HDAC9: variants seen among roughly 807,000 people sequenced by gnomAD.
The protein encoded by HDAC9 is MEF-2 interacting transcription repressor (MITR) protein.
In HDAC9, 41 loss-of-function variants were observed where a neutral mutation model predicts 139.4. The observed-to-expected ratio is 0.29, with a 90% CI of 0.23 to 0.38. HDAC9 has a LOEUF of 0.38. Among genes scored for constraint, HDAC9 ranks in the 10% least tolerant of loss-of-function variants. The probability of loss-of-function intolerance (pLI) is 1.00; values close to 1 mark genes in which losing one functional copy is unlikely to be tolerated. For synonymous variants in HDAC9, 517 were observed against 476.2 expected, an observed-to-expected ratio of 1.09 and a Z score of -1.12; for missense variants, 1,147 against 1,297.0, an observed-to-expected ratio of 0.88 and a Z score of 1.78.
intron 17 of HDAC9, among the ~76,000 whole-genome samples, chr7:18,794,009 A>G (rs916417308): frequency 6.6e-5 from 10 of 152,314 alleles, no homozygotes; most frequent in African/African-American, 2.2e-4. Context: ...CTTCTTTTCT[A>G]CATCGTATGA....
chr7:18,736,362 G>C (rs890363512), intron 13 of HDAC9, among the ~76,000 whole-genome samples: 1 of 152,174 alleles, frequency 6.6e-6, no homozygotes, highest in African/African-American at 2.4e-5. Context: ...TATGATACTG[G>C]CTGTGGGTTT....
intron 1 of HDAC9, among the ~76,000 whole-genome samples, chr7:18,359,096 C>T (rs1329929138): frequency 1.3e-5 from 2 of 152,216 alleles, no homozygotes; most frequent in Non-Finnish European, 2.9e-5. Flanking sequence ...TGGCTCACGC[C>T]TGTAATCCCA....
intron 25 of HDAC9, among the ~76,000 whole-genome samples, chr7:18,988,521 GA>G (rs938326544): frequency 3.3e-5 from 5 of 151,854 alleles, no homozygotes; most frequent in African/African-American, 7.2e-5. Flanking sequence ...GTGTGGTGCT[GA>G]AAAAAATGTA....
chr7:18,777,996 T>G (rs994133505), intron 16 of HDAC9, among the ~76,000 whole-genome samples: 3 of 151,916 alleles, frequency 2.0e-5, no homozygotes, highest in African/African-American at 7.2e-5. Context: ...AAGTTTCCTA[T>G]TCTACAGAAA....
chr7:18,399,677 A>G (rs910214373), intron 1 of HDAC9, among the ~76,000 whole-genome samples: 1 of 152,168 alleles, frequency 6.6e-6, no homozygotes, highest in Non-Finnish European at 1.5e-5. Flanking sequence ...CATTCTAATC[A>G]AGAGAACTGG....
intron 2 of HDAC9, among the ~76,000 whole-genome samples, chr7:18,227,688 C>G (rs943058183): frequency 6.6e-6 from 1 of 152,154 alleles, no homozygotes; most frequent in Non-Finnish European, 1.5e-5. Context: ...TCAGTATCAA[C>G]TAATAATGTA....
intron 6 of HDAC9, among the ~76,000 whole-genome samples, chr7:18,619,970 C>T (rs1000496891): frequency 1.3e-5 from 2 of 152,252 alleles, no homozygotes; most frequent in East Asian, 1.9e-4. Flanking sequence ...ATACCTATCA[C>T]GTGGCACTGA....
chr7:18,409,368 G>A (rs763934755), intron 1 of HDAC9, among the ~76,000 whole-genome samples: 1 of 152,176 alleles, frequency 6.6e-6, no homozygotes, highest in Non-Finnish European at 1.5e-5. Flanking sequence ...CTCTTTCACA[G>A]TATAAGCTGA....
chr7:18,658,898 G>GCAAAAAAAAAAAAAA (rs1562790563), intron 11 of HDAC9, among the ~76,000 whole-genome samples: 1 of 95,002 alleles, frequency 1.1e-5, no homozygotes, highest in Non-Finnish European at 1.9e-5. Flanking sequence ...GAAAAAAAAA[G>GCAAAAAAAAAAAAAA]CAAAAAAAAA....
At chr7:18,568,829 C>T (rs1461511333) in intron 2 of HDAC9, among the ~76,000 whole-genome samples, 1 of 151,992 alleles carries the variant, frequency 6.6e-6, no homozygotes, top group Admixed American at 6.6e-5. Flanking sequence ...GGGTGGATCA[C>T]CTGAGGTTGG....
upstream of HDAC9, among the ~76,000 whole-genome samples, chr7:18,492,690 C>A (rs554288030): frequency 6.1e-4 from 92 of 152,016 alleles, no homozygotes; most frequent in Non-Finnish European, 1.0e-3. Context: ...TGTAATAGAA[C>A]ATATATCTTT....
intron 1 of HDAC9, among the ~76,000 whole-genome samples, chr7:18,485,404 A>C (rs1314312630): frequency 1.3e-5 from 2 of 151,550 alleles, no homozygotes; most frequent in African/African-American, 4.8e-5. Flanking sequence ...AGTGATATTC[A>C]TATGATGAAA....
chr7:18,254,885 A>G (rs1412504626), intron 2 of HDAC9, among the ~76,000 whole-genome samples: 1 of 152,228 alleles, frequency 6.6e-6, no homozygotes, highest in Non-Finnish European at 1.5e-5. Context: ...TTCTGTAAAG[A>G]AAAACCATGT....
chr7:18,784,100 T>C (rs564567081), intron 16 of HDAC9, among the ~76,000 whole-genome samples: 12 of 149,108 alleles, frequency 8.0e-5, no homozygotes, highest in African/African-American at 3.0e-4. Flanking sequence ...ACCCCTTCTA[T>C]ATTCGAGTCT....
intron 5 of HDAC9, among the ~76,000 whole-genome samples, chr7:18,593,535 A>G (rs934364551): frequency 3.3e-5 from 5 of 152,118 alleles, no homozygotes; most frequent in African/African-American, 1.2e-4. Flanking sequence ...GTTTACTATT[A>G]CCTTGATTGT....
intron 1 of HDAC9, among the ~76,000 whole-genome samples, chr7:18,341,345 C>T (rs532062765): frequency 2.6e-5 from 4 of 151,702 alleles, no homozygotes; most frequent in Non-Finnish European, 4.4e-5. Context: ...TTCAAATTAT[C>T]TTCTACTCTT....
chr7:18,325,024 A>C (rs1800326546), intron 1 of HDAC9, among the ~76,000 whole-genome samples: 1 of 152,098 alleles, frequency 6.6e-6, no homozygotes, highest in African/African-American at 2.4e-5. Context: ...AGCTTATTGA[A>C]TATCTAAGCA....
chr7:18,598,271 T>C (rs534516989), intron 6 of HDAC9, among the ~76,000 whole-genome samples: 6 of 152,244 alleles, frequency 3.9e-5, no homozygotes, highest in Non-Finnish European at 8.8e-5. Context: ...CAAAATCTTA[T>C]TCAAGATTGA....
chr7:18,652,485 G>T (rs988610099), intron 11 of HDAC9, among the ~76,000 whole-genome samples: 1 of 151,638 alleles, frequency 6.6e-6, no homozygotes, highest in Non-Finnish European at 1.5e-5. Context: ...TCTAAGCACT[G>T]CCTAAAAAAT....
Sources: allele counts gnomAD v4.1 joint callset (sites outside exome capture counted in the v4.1 genomes callset), GRCh38; gene constraint gnomAD v4.1.1; transcripts MANE v1.5; gene names NCBI Gene and HGNC (gene_info 2026-07-23, HGNC 2026-07-21).